The following CNTNAP5 variants were observed in gnomAD, a reference collection of about 807,000 sequenced individuals.
CNTNAP5 encodes contactin-associated protein-like 5.
Under a neutral mutation model 150.2 loss-of-function variants are expected in CNTNAP5, and 72 were observed. The ratio of observed to expected loss-of-function variants is 0.48; its 90% CI spans 0.40 to 0.58. The LOEUF (loss-of-function observed/expected upper bound fraction) is 0.58, where lower values mean the gene tolerates loss of function less well. Among genes scored for constraint, CNTNAP5 ranks in the 20% least tolerant of loss-of-function variants. The pLI is 0.00. For synonymous variants in CNTNAP5, 672 were observed against 619.8 expected (o/e 1.08, Z -1.25); for missense variants, 1,636 against 1,626.2 (o/e 1.01, Z -0.10).
intron 3 of CNTNAP5, among the ~76,000 whole-genome samples, chr2:124,329,696 G>A (rs1019232131): frequency 2.6e-5 from 4 of 152,182 alleles, no homozygotes; most frequent in East Asian, 1.9e-4. Flanking sequence ...TCCTATCTCC[G>A]GGTATTTGTC....
At chr2:124,405,143 G>C (rs1347535853) in intron 3 of CNTNAP5, among the ~76,000 whole-genome samples, 2 of 152,132 alleles carry the variant, frequency 1.3e-5, no homozygotes, top group Non-Finnish European at 1.5e-5. Context: ...CACTGATTTT[G>C]CAGTGTGTTC....
chr2:124,724,569 T>C (rs1195942980), intron 13 of CNTNAP5, among the ~76,000 whole-genome samples: 2 of 152,130 alleles, frequency 1.3e-5, no homozygotes, highest in Non-Finnish European at 2.9e-5. Flanking sequence ...TGTGTGGAGA[T>C]CTAAAAGTCT....
chr2:124,269,066 C>T (rs1687681404), intron 3 of CNTNAP5, among the ~76,000 whole-genome samples: 1 of 151,944 alleles, frequency 6.6e-6, no homozygotes, highest in Non-Finnish European at 1.5e-5. Flanking sequence ...CCCCCTGCTC[C>T]CCACCACCCA....
intron 3 of CNTNAP5, among the ~76,000 whole-genome samples, chr2:124,394,599 G>A (rs1691200050): frequency 6.6e-6 from 1 of 152,156 alleles, no homozygotes; most frequent in South Asian, 2.1e-4. Context: ...AACACTCAAT[G>A]AGGATTTGCT....
At chr2:124,874,496 A>G (rs904574932) in intron 21 of CNTNAP5, among the ~76,000 whole-genome samples, 1 of 152,054 alleles carries the variant, frequency 6.6e-6, no homozygotes, top group Non-Finnish European at 1.5e-5. Context: ...AAACTTCTGA[A>G]AGAAACTCTG....
At chr2:124,811,776 A>T (rs1273486908) in intron 19 of CNTNAP5, among the ~76,000 whole-genome samples, 1 of 149,526 alleles carries the variant, frequency 6.7e-6, no homozygotes, top group Admixed American at 6.8e-5. Context: ...CCCCATCTGT[A>T]CTAAAAATAC....
chr2:124,541,229 C>G (rs192571514), intron 10 of CNTNAP5, among the ~76,000 whole-genome samples: 1 of 99,864 alleles, frequency 1.0e-5, no homozygotes, highest in Non-Finnish European at 1.9e-5. Context: ...GGTGTTTTAG[C>G]TGAAAACAAA....
At chr2:124,198,005 T>A (rs139893756) in intron 1 of CNTNAP5, among the ~76,000 whole-genome samples, 58 of 151,448 alleles carry the variant, frequency 3.8e-4, no homozygotes, top group Non-Finnish European at 6.5e-4. Flanking sequence ...ATAAAAATAA[T>A]AATAATAATA....
chr2:124,223,706 T>C (rs534219506), intron 2 of CNTNAP5, among the ~76,000 whole-genome samples: 2 of 151,988 alleles, frequency 1.3e-5, no homozygotes, highest in East Asian at 3.9e-4. Flanking sequence ...AGACAGATAT[T>C]GAGTGAGGAC....
intron 1 of CNTNAP5, among the ~76,000 whole-genome samples, chr2:124,195,760 A>T (rs914863464): frequency 4.6e-5 from 7 of 152,156 alleles, no homozygotes; most frequent in African/African-American, 1.4e-4. Flanking sequence ...GTGGGGAGTG[A>T]TGAAAATGAA....
At chr2:124,900,432 C>A (rs1678393202) in intron 21 of CNTNAP5, among the ~76,000 whole-genome samples, 1 of 151,344 alleles carries the variant, frequency 6.6e-6, no homozygotes. Flanking sequence ...ATATTTTCTC[C>A]TATCAGGGAT....
chr2:124,780,321 A>G (rs1454265869), intron 17 of CNTNAP5, among the ~76,000 whole-genome samples: 1 of 152,178 alleles, frequency 6.6e-6, no homozygotes, highest in African/African-American at 2.4e-5. Flanking sequence ...CCTTTTGGAA[A>G]CTGAGGGGTT....
chr2:124,172,466 G>A (rs573684861), intron 1 of CNTNAP5, among the ~76,000 whole-genome samples: 1 of 152,190 alleles, frequency 6.6e-6, no homozygotes, highest in South Asian at 2.1e-4. Context: ...AGGCTAGAAT[G>A]CATTGGCCGA....
chr2:124,359,096 G>T (rs975814833), intron 3 of CNTNAP5, among the ~76,000 whole-genome samples: 19 of 152,096 alleles, frequency 1.2e-4, no homozygotes, highest in African/African-American at 4.1e-4. Context: ...TTGCATAGAG[G>T]TGTTTGTAGT....
intron 7 of CNTNAP5, among the ~76,000 whole-genome samples, chr2:124,488,689 T>C (rs922082069): frequency 2.6e-5 from 4 of 152,190 alleles, no homozygotes; most frequent in Non-Finnish European, 1.5e-5. Context: ...ACACTACAAA[T>C]TGGAGGTGCA....
At chr2:124,503,460 T>C (rs1292677748) in intron 7 of CNTNAP5, among the ~76,000 whole-genome samples, 2 of 152,248 alleles carry the variant, frequency 1.3e-5, no homozygotes, top group African/African-American at 2.4e-5. Flanking sequence ...CCTTACCTTT[T>C]TTTTGCTATG....
rs368313031 is a variant in CNTNAP5 at position 124,902,739 on chromosome 2, GAGAT to G, written c.3437-136_3437-133del. On this transcript the variant is annotated intron_variant, in intron 21 of 23. Transcript: ENST00000682447. ...TGGAGGTGGGGAAAGGAGATAAAGA[GAGAT>G]AGATAGGGGAGGGTTTTCTTTACTC... 522 of 537,872 alleles carry G rather than the reference GAGAT, an allele frequency of 9.7e-4. 2 individuals are homozygous for G. Among genetic ancestry groups the G allele is most frequent in the African/African-American group, 8.8e-3 (470 of 53,302 alleles). 33.3% of individuals were successfully genotyped at this position (537,872 alleles called of 1,614,324 possible).
chr2:124,439,921 C>G (rs367668628), intron 5 of CNTNAP5, among the ~76,000 whole-genome samples: 1 of 152,204 alleles, frequency 6.6e-6, no homozygotes, highest in East Asian at 1.9e-4. Context: ...CCCTCCATTC[C>G]TACTAAGCTA....
At chr2:124,067,258 A>C (rs1421599236) in intron 1 of CNTNAP5, among the ~76,000 whole-genome samples, 1 of 152,162 alleles carries the variant, frequency 6.6e-6, no homozygotes, top group Non-Finnish European at 1.5e-5. Flanking sequence ...ATTCTCTCAT[A>C]GTTCTGGAGA....
Sources: gnomAD v4.1 joint callset for allele counts (sites outside exome capture counted in the v4.1 genomes callset) on GRCh38, gnomAD v4.1.1 for gene constraint, MANE v1.5 for transcripts, NCBI Gene and HGNC (gene_info 2026-07-23, HGNC 2026-07-21) for gene names.